TMPRSS13: variants seen among roughly 807,000 people sequenced by gnomAD.
TMPRSS13 encodes the protein transmembrane serine protease 13.
In TMPRSS13, 50 loss-of-function variants were observed where a neutral mutation model predicts 68.4. The observed-to-expected ratio is 0.73, with a 90% CI of 0.58 to 0.93. The LOEUF (loss-of-function observed/expected upper bound fraction) is 0.93, where lower values mean the gene tolerates loss of function less well. Ranked by LOEUF, TMPRSS13 falls within the 40% of genes least tolerant of loss-of-function variation. The pLI is 0.00. For synonymous variants in TMPRSS13, 267 were observed against 285.8 expected (o/e 0.93, Z 0.66); for missense variants, 615 against 729.2 (o/e 0.84, Z 1.80).
chr11:117,918,968 G>A (rs1048824091), intron 1 of TMPRSS13, 130 bp from the exon 2 acceptor site: 35 of 1,292,062 alleles, frequency 2.7e-5, no homozygotes, highest in Non-Finnish European at 3.5e-5. Flanking sequence ...CCCCGGACAA[G>A]GAAGCATCTG....
intron 5 of TMPRSS13, among the ~76,000 whole-genome samples, chr11:117,913,351 G>A (rs564208345): frequency 4.6e-5 from 7 of 152,280 alleles, no homozygotes; most frequent in African/African-American, 1.7e-4. Context: ...GATGAGGTCT[G>A]GCTCAAGACA....
rs141550436 is a variant in TMPRSS13 at position 117,922,060 on chromosome 11, G to A, written c.22-3222C>T. Reference sequence around the variant, plus strand: ...GGCACTTCACGGCCTGCTGCCCCACGCTGCTGGAAGTTCTTCTGGATACCT... The same window carrying A: ...GGCACTTCACGGCCTGCTGCCCCACACTGCTGGAAGTTCTTCTGGATACCT... On this transcript the variant is annotated intron_variant, in intron 1 of 12. Coordinates refer to ENST00000524993, the MANE Select transcript of TMPRSS13 (RefSeq NM_001077263.3). The surrounding 1 kb of genome is among the most constrained non-coding windows in gnomAD (Gnocchi z 4.2). 7.0e-4 allele frequency among the ~76,000 whole-genome samples: 106 copies of A among 152,278 alleles called. 1 individual carries two copies. The East Asian group carries it at 0.017, about 25-fold the overall frequency.
At chr11:117,916,006 G>A (rs1038091832) in intron 3 of TMPRSS13, among the ~76,000 whole-genome samples, 1 of 152,140 alleles carries the variant, frequency 6.6e-6, no homozygotes, top group African/African-American at 2.4e-5. Context: ...GCCTGTCGGT[G>A]GCAGAGCCAG....
chr11:117,909,090 CTT>C (rs1271459137), intron 8 of TMPRSS13, among the ~76,000 whole-genome samples: 2 of 152,162 alleles, frequency 1.3e-5, no homozygotes, highest in Non-Finnish European at 2.9e-5. Context: ...AAATAGGAGA[CTT>C]TGACTTCTGC....
intron 1 of TMPRSS13, among the ~76,000 whole-genome samples, chr11:117,924,531 C>A (rs573218610): frequency 6.6e-6 from 1 of 152,258 alleles, no homozygotes; most frequent in East Asian, 1.9e-4. Flanking sequence ...GGAAGAAAAA[C>A]CCCTCACTAA....
rs150264022 is a variant in TMPRSS13, at chr11:117,908,980, C to T, written c.1110-196G>A. On this transcript the variant is annotated intron_variant, in intron 8 of 12. Coordinates refer to ENST00000524993, the MANE Select transcript of TMPRSS13 (RefSeq NM_001077263.3). ...CCCACAGCCCCTCAAAAATTATGAGCTTGCAGCTCTGCACCTTACAGTAAT... is the reference window on the plus strand; with the variant it reads ...CCCACAGCCCCTCAAAAATTATGAGTTTGCAGCTCTGCACCTTACAGTAAT... 4.7e-4 allele frequency among the ~76,000 whole-genome samples: 71 copies of T among 152,324 alleles called. No homozygotes were observed. The Middle Eastern group carries it at 0.024, about 51-fold the overall frequency.
intron 1 of TMPRSS13, among the ~76,000 whole-genome samples, chr11:117,927,894 A>G (rs968903519): frequency 1.3e-5 from 2 of 152,150 alleles, no homozygotes; most frequent in African/African-American, 2.4e-5. Flanking sequence ...CACTTAATTC[A>G]TAGATTAATT....
rs553264024 is a variant in TMPRSS13, at chr11:117,924,244, G to A, written c.21+5043C>T. ...TTTATACTATTGTTGAGGCGATGAAGGCCCAGAAAGGCTGTGTGACTTGCT... is the reference window on the plus strand; with the variant it reads ...TTTATACTATTGTTGAGGCGATGAAAGCCCAGAAAGGCTGTGTGACTTGCT... On this transcript the variant is annotated intron_variant, in intron 1 of 12. Coordinates refer to ENST00000524993, the MANE Select transcript of TMPRSS13 (RefSeq NM_001077263.3). Among the ~76,000 whole-genome samples, 3 of 84,066 alleles carry A rather than the reference G, an allele frequency of 3.6e-5. No homozygotes were observed. The East Asian group carries it at 9.1e-4, about 25-fold the overall frequency. The allele number at this position is 84,066 out of a possible 152,430, so 55.2% of individuals were successfully genotyped here.
intron 5 of TMPRSS13, among the ~76,000 whole-genome samples, 182 bp from the exon 6 acceptor site, chr11:117,912,042 C>T (rs1172919143): frequency 6.6e-6 from 1 of 152,152 alleles, no homozygotes; most frequent in African/African-American, 2.4e-5. Flanking sequence ...CCACATGCTC[C>T]ACCACTGCCC....
chr11:117,911,778 T>C lies in TMPRSS13; in HGVS notation c.892A>G (p.Ser298Gly). ...CCTGCCCCACCATACCTGTGGAGGC[T>C]TTCCTGGATGGTGGAGTTGTATCTC... ...ILRYNSTIQE[S>G]LHRSECPSQR... Residue 298 changes from serine (S) to glycine (G), a missense_variant, in exon 6 of 13, where the codon AGC becomes GGC. Coordinates refer to ENST00000524993, the MANE Select transcript of TMPRSS13 (RefSeq NM_001077263.3). 1 of 1,613,934 alleles carries C rather than the reference T, an allele frequency of 6.2e-7. No individual in the cohort carries two copies.
intron 7 of TMPRSS13, 58 bp from the exon 8 acceptor site, chr11:117,910,026 C>T: frequency 6.3e-7 from 1 of 1,587,616 alleles, no homozygotes; most frequent in South Asian, 1.1e-5. Flanking sequence ...TCTTTCCGAG[C>T]TCCTGATCAG....
chr11:117,920,526 C>T (rs909877428), intron 1 of TMPRSS13, among the ~76,000 whole-genome samples: 2 of 151,412 alleles, frequency 1.3e-5, no homozygotes, highest in African/African-American at 4.9e-5. Context: ...GGAATCTTGC[C>T]CTGTTGCCCA....
intron 1 of TMPRSS13, among the ~76,000 whole-genome samples, chr11:117,927,470 T>G (rs1420949517): frequency 2.0e-5 from 3 of 152,228 alleles, no homozygotes; most frequent in African/African-American, 7.2e-5. Context: ...CTTTTGAATA[T>G]GAGAAACTGA....
intron 1 of TMPRSS13, among the ~76,000 whole-genome samples, chr11:117,924,094 A>T (rs7121145): frequency 0.081 from 12,295 of 151,710 alleles, 1,618 homozygotes; most frequent in African/African-American, 0.28. Context: ...CTGTAGTCCC[A>T]GCTACTTGGG....
chr11:117,926,365 G>A (rs547034313), intron 1 of TMPRSS13, among the ~76,000 whole-genome samples: 35 of 152,296 alleles, frequency 2.3e-4, no homozygotes, highest in Non-Finnish European at 4.4e-4. Context: ...ATGGCAGAGT[G>A]ACTTGACCCG....
At chr11:117,921,288 T>C (rs906396343) in intron 1 of TMPRSS13, among the ~76,000 whole-genome samples, 2 of 151,970 alleles carry the variant, frequency 1.3e-5, no homozygotes, top group African/African-American at 2.4e-5. Context: ...TGCACCATTA[T>C]GTGATTTGAT....
At position 117,918,556 on chromosome 11, in the gene TMPRSS13, C is replaced by T. The variant is rs115996442; in HGVS notation, c.304G>A (p.Gly102Ser). Residue 102 changes from glycine to serine, a missense_variant, in exon 2 of 13, where the codon GGC (glycine) becomes AGC (serine). Transcript: ENST00000524993. ...ALASLSRSSS[G>S]RSSSARSASV... ...GCTGACCTGGCGGATGATGACCTGC[C>T]GGATGAGGACCTGGAAAGTGATGCC... 5.6e-3 allele frequency: 8,994 copies of T among 1,614,144 alleles called. 437 individuals carry two copies. The African/African-American group carries it at 0.1, about 19-fold the overall frequency.
intron 6 of TMPRSS13, among the ~76,000 whole-genome samples, chr11:117,911,202 T>C (rs1244894401): frequency 1.3e-5 from 2 of 152,172 alleles, no homozygotes; most frequent in Non-Finnish European, 2.9e-5. Context: ...GGAGCCTGGC[T>C]TCTTCTCTCC....
intron 5 of TMPRSS13, 131 bp downstream of exon 5, chr11:117,913,646 A>C: frequency 2.6e-6 from 3 of 1,171,988 alleles, no homozygotes; most frequent in Non-Finnish European, 3.6e-6. Flanking sequence ...GAGGGTGTCC[A>C]GAGCTAGTGA....
Sources: gnomAD v4.1 joint callset for allele counts (sites outside exome capture counted in the v4.1 genomes callset) on GRCh38, gnomAD v4.1.1 for gene constraint, Gnocchi (gnomAD v3.1) non-coding constraint, MANE v1.5 for transcripts, NCBI Gene and HGNC (gene_info 2026-07-23, HGNC 2026-07-21) for gene names.